The following CT55 variants were observed in gnomAD, a reference collection of about 807,000 sequenced individuals.
CT55 encodes the protein BRCA2-interacting protein.
In CT55, 1 loss-of-function variant was observed where a neutral mutation model predicts 12.6. That is an observed-to-expected ratio of 0.08 (90% confidence interval 0.03 to 0.38). CT55 has a LOEUF of 0.38. CT55 is among the 10% of genes least tolerant of loss of function. The pLI is 0.99. For synonymous variants in CT55, 43 were observed against 49.7 expected, an observed-to-expected ratio of 0.87 and a Z score of 0.57; for missense variants, 109 against 135.4, an observed-to-expected ratio of 0.80 and a Z score of 0.97.
At chrX:135,164,114 C>T (rs1335290862) in intron 2 of CT55, among the ~76,000 whole-genome samples, 1 of 111,728 alleles carries the variant, frequency 9.0e-6, no homozygotes, top group Non-Finnish European at 1.9e-5. Flanking sequence ...TAAAACTCAC[C>T]AGTAAAGGTA....
chrX:135,170,185 T>G (rs1406071371), intron 1 of CT55, among the ~76,000 whole-genome samples: 2 of 110,174 alleles, frequency 1.8e-5, no homozygotes, highest in African/African-American at 6.6e-5. Context: ...TTTTGAATTG[T>G]TAATAGAGAC....
intron 4 of CT55, 109 bp downstream of exon 4, chrX:135,158,090 C>T (rs1435030545): frequency 4.6e-6 from 2 of 437,897 alleles, no homozygotes; most frequent in Non-Finnish European, 7.8e-6. Context: ...TGTATTTCTT[C>T]ATATTTTCTG....
chrX:135,158,223 G>C lies in CT55; in HGVS notation c.513C>G (p.Pro171=), dbSNP rs1556404472. The change falls in exon 4 of 6, where the codon CCC becomes CCG. Residue 171 remains proline, a synonymous_variant. Transcript: ENST00000276241. ...ISNIKATSVK[P]IRCIHTEEVC... Reference sequence around the variant, plus strand: ...CCTCTTCCGTATGAATACAACGGATGGGCTTCACAGAAGTTGCCTTGATGT... The same window carrying C: ...CCTCTTCCGTATGAATACAACGGATCGGCTTCACAGAAGTTGCCTTGATGT... 8.3e-6 allele frequency: 10 copies of C among 1,198,908 alleles called. No individual in the cohort carries two copies. Among genetic ancestry groups the C allele is most frequent in the Admixed American group, 2.2e-5 (1 of 45,751 alleles).
chrX:135,161,250 C>T (rs2083561192), intron 2 of CT55, among the ~76,000 whole-genome samples: 1 of 111,425 alleles, frequency 9.0e-6, no homozygotes, highest in African/African-American at 3.3e-5. Context: ...GTGTAATAGT[C>T]CTTATTTTAT....
intron 3 of CT55, among the ~76,000 whole-genome samples, chrX:135,159,006 T>G (rs782489738): frequency 8.9e-6 from 1 of 112,256 alleles, no homozygotes; most frequent in South Asian, 3.7e-4. Flanking sequence ...CCATCAAGTT[T>G]CAAACAGAAG....
chrX:135,171,184 C>T lies in CT55; in HGVS notation c.-13G>A. ...GAAGCCTGAGCATCGTCCCAGTTGTCACCACCGGCCTGGGCACCGCTTGTG... is the reference window on the plus strand; with the variant it reads ...GAAGCCTGAGCATCGTCCCAGTTGTTACCACCGGCCTGGGCACCGCTTGTG... On this transcript the variant is annotated 5_prime_UTR_variant, in exon 1 of 6. Transcript: ENST00000276241. The T allele has an allele frequency of 8.3e-7, 1 of 1,210,678 alleles. No homozygotes were observed. Among genetic ancestry groups the T allele is most frequent in the South Asian group, 1.8e-5 (1 of 56,694 alleles).
In CT55 at chrX:135,160,676, T is replaced by C. The variant is rs1176121166; in HGVS notation, c.280-121A>G. 1.2e-5 allele frequency: 10 copies of C among 803,864 alleles called. No individual in the cohort carries two copies. The East Asian group carries it at 3.4e-4, about 27-fold the overall frequency. 66.2% of individuals were successfully genotyped at this position (803,864 alleles called of 1,213,427 possible). A position where few individuals can be genotyped will look rare whatever the true frequency, so the allele number is the denominator to read the frequency against. On this transcript the variant is annotated intron_variant, in intron 2 of 5. Coordinates refer to ENST00000276241, the MANE Select transcript of CT55 (RefSeq NM_001031705.3). Reference sequence around the variant, plus strand: ...CAGCCATCCTAAACACTGGAGAATATAGTTCACTTGGTAAGTGGACCATTG... The same window carrying C: ...CAGCCATCCTAAACACTGGAGAATACAGTTCACTTGGTAAGTGGACCATTG...
intron 2 of CT55, among the ~76,000 whole-genome samples, chrX:135,162,206 C>T (rs1556405298): frequency 8.9e-6 from 1 of 112,640 alleles, no homozygotes; most frequent in African/African-American, 3.2e-5. Context: ...CAGTCCTGCA[C>T]ATGAAAAGCA....
At chrX:135,160,270 C>G (rs1366101503) in intron 3 of CT55, 141 bp downstream of exon 3, 1 of 593,939 alleles carries the variant, frequency 1.7e-6, no homozygotes, top group African/African-American at 2.4e-5. Context: ...CTATACTGTA[C>G]TTAATTTCGA....
chrX:135,157,974 C>T (rs1191287865), intron 4 of CT55, among the ~76,000 whole-genome samples: 20 of 85,026 alleles, frequency 2.4e-4, no homozygotes, highest in Non-Finnish European at 3.6e-4. Context: ...GTAAAATGCA[C>T]AATTTAGAAC....
At chrX:135,159,964 A>G (rs1556404880) in intron 3 of CT55, among the ~76,000 whole-genome samples, 2 of 111,078 alleles carry the variant, frequency 1.8e-5, no homozygotes, top group Non-Finnish European at 3.8e-5. Context: ...ACAGACAACC[A>G]CAAGGCGCTA....
intron 2 of CT55, among the ~76,000 whole-genome samples, chrX:135,162,598 C>G (rs1400091825): frequency 1.8e-5 from 2 of 111,796 alleles, no homozygotes; most frequent in African/African-American, 3.3e-5. Flanking sequence ...ACCCACATCA[C>G]CCCTTCCCCG....
In CT55 at chrX:135,171,268, A is replaced by T; in HGVS notation, c.-97T>A. 1 of 1,149,283 alleles carries T rather than the reference A, an allele frequency of 8.7e-7. No individual in the cohort carries two copies. Among genetic ancestry groups the T allele is most frequent in the South Asian group, 2.1e-5 (1 of 47,428 alleles). The allele number at this position is 1,149,283 out of a possible 1,213,427, so 94.7% of individuals were successfully genotyped here. On this transcript the variant is annotated 5_prime_UTR_variant, in exon 1 of 6. Coordinates refer to ENST00000276241, the MANE Select transcript of CT55 (RefSeq NM_001031705.3). ...AGCCCTCAGGTCACGGCGTCTCCTC[A>T]GGGACTCACTTCCTGCTTCTCCTCA...
At chrX:135,164,874 G>A (rs1304737493) in intron 2 of CT55, among the ~76,000 whole-genome samples, 1 of 112,281 alleles carries the variant, frequency 8.9e-6, no homozygotes, top group Non-Finnish European at 1.9e-5. Context: ...AATTCATCAA[G>A]AGGATATAAT....
chrX:135,159,434 A>G (rs1432854828), intron 3 of CT55, among the ~76,000 whole-genome samples: 3 of 111,450 alleles, frequency 2.7e-5, no homozygotes, highest in African/African-American at 6.5e-5. Flanking sequence ...TCAGTCGTCT[A>G]CATCACAAAC....
Position 135,171,121 on chromosome X carries a change from G to C in CT55, c.51C>G (p.Asp17Glu). The C allele has an allele frequency of 8.3e-7, 1 of 1,211,544 alleles. No homozygotes were observed. The highest frequency in any genetic ancestry group is 1.1e-6 in the Non-Finnish European group (1 of 895,410). The change falls in exon 1 of 6, where the codon GAC (aspartate) becomes GAG (glutamate). Residue 17 changes from aspartate (D) to glutamate (E), a missense_variant. By Grantham distance (45) the Asp-to-Glu change is conservative (BLOSUM62 2). Transcript: ENST00000276241. ...LALAFYGRTA[D>E]PAERQGPQQQ... ...GCTGTGGGCCCTGTCGCTCTGCAGG[G>C]TCGGCCGTCCTCCCGTAGAAGGCCA... is the stretch of plus-strand genomic sequence containing the variant.
At chrX:135,171,494 G>T, upstream of CT55, 1 of 217,745 alleles carries the variant, frequency 4.6e-6, no homozygotes, top group African/African-American at 2.8e-5. Flanking sequence ...AAAAGGCGAT[G>T]GGTGGGAACA....
chrX:135,161,137 T>C (rs1244997602), intron 2 of CT55, among the ~76,000 whole-genome samples: 2 of 110,046 alleles, frequency 1.8e-5, no homozygotes, highest in Non-Finnish European at 3.8e-5. Flanking sequence ...GAGATAAAGT[T>C]GGAGCAATAA....
At chrX:135,169,889 G>T in intron 1 of CT55, 111 bp from the exon 2 acceptor site, 1 of 397,553 alleles carries the variant, frequency 2.5e-6, no homozygotes, top group Non-Finnish European at 4.1e-6. Context: ...GTTTTATAAC[G>T]TCTCTGACCT....
Sources: allele counts gnomAD v4.1 joint callset (sites outside exome capture counted in the v4.1 genomes callset), GRCh38; gene constraint gnomAD v4.1.1; transcripts MANE v1.5; gene names NCBI Gene and HGNC (gene_info 2026-07-23, HGNC 2026-07-21).